The following LAMA1 variants were observed in gnomAD, a reference collection of about 807,000 sequenced individuals.
The protein encoded by LAMA1 is laminin subunit alpha 1, also known as laminin subunit alpha-1.
In LAMA1, 219 loss-of-function variants were observed where a neutral mutation model predicts 348.7. The ratio of observed to expected loss-of-function variants is 0.63; its 90% confidence interval spans 0.56 to 0.70. LAMA1 has a LOEUF of 0.70. Among genes scored for constraint, LAMA1 ranks in the 30% least tolerant of loss-of-function variants. LAMA1 has a pLI of 0.00. For missense variants in LAMA1, 3,744 were observed against 3,888.0 expected (o/e 0.96, Z 0.99); for synonymous variants, 1,487 against 1,491.0 (o/e 1.00, Z 0.06).
chr18:7,060,930 C>T (rs2058099796), intron 3 of LAMA1, among the ~76,000 whole-genome samples: 1 of 152,084 alleles, frequency 6.6e-6, no homozygotes, highest in African/African-American at 2.4e-5. Flanking sequence ...CCAAGGTGGG[C>T]AGACTGCTTG....
Position 6,976,032 on chromosome 18 carries a change from G to A in LAMA1, c.6394C>T (p.Pro2132Ser). ...TTGTAGTTGGTAGAGGAAATCTGAG[G>A]CTGGTAGGCCCGGATGCAATCTCTG... ...ADRDCIRAYQ[P>S]QISSTNYNTL... is the part of the protein sequence containing the mutation. Residue 2132 changes from proline to serine, a missense_variant, in exon 45 of 63, where the codon CCT becomes TCT. Pro to Ser is a moderately conservative substitution (Grantham distance 74). Transcript: ENST00000389658. The A allele has an allele frequency of 6.2e-7, 1 of 1,614,170 alleles. No homozygotes were observed. The highest frequency in any genetic ancestry group is 2.2e-5 in the East Asian group (1 of 44,882).
At chr18:6,991,420 T>C (rs915431880) in intron 36 of LAMA1, among the ~76,000 whole-genome samples, 2 of 150,014 alleles carry the variant, frequency 1.3e-5, no homozygotes, top group African/African-American at 4.9e-5. Flanking sequence ...AGACGGAGTC[T>C]TGCTCTGTCG....
rs1206772547 is a variant in LAMA1 at position 6,990,032 on chromosome 18, T to TTTTTG, written c.5168+2524_5168+2528dup. ...AAGAAGCTAATGAAGAGTGCTGGGT[T>TTTTTG]TTTTGTTTTGTTTTGTTTTTGGTGG... is the stretch of plus-strand genomic sequence containing the variant. On this transcript the variant is annotated intron_variant, in intron 36 of 62. Transcript: ENST00000389658. 4.6e-5 allele frequency among the ~76,000 whole-genome samples: 7 copies of TTTTTG among 152,184 alleles called. No homozygotes were observed. In the South Asian group the frequency reaches 8.3e-4, roughly 18 times the overall value.
At chr18:7,105,701 CT>C (rs1463382831) in intron 1 of LAMA1, among the ~76,000 whole-genome samples, 2 of 152,236 alleles carry the variant, frequency 1.3e-5, no homozygotes, top group South Asian at 4.1e-4. Context: ...ATGGAGGACA[CT>C]TTTTAAATTT....
At position 6,966,949 on chromosome 18, in the gene LAMA1, G is replaced by A. The variant is rs1049085626; in HGVS notation, c.6900-652C>T. Among the ~76,000 whole-genome samples, 4 of 152,136 alleles carry A rather than the reference G, an allele frequency of 2.6e-5. 1 individual carries two copies. Among genetic ancestry groups the A allele is most frequent in the Admixed American group, 1.3e-4 (2 of 15,264 alleles). ...GGCTGACTTGACTCACTATTCAATC[G>A]CAAAGCCATTCATCTGGAACAGATC... On this transcript the variant is annotated intron_variant, in intron 48 of 62. Transcript: ENST00000389658.
intron 3 of LAMA1, among the ~76,000 whole-genome samples, chr18:7,064,456 T>C (rs941405457): frequency 3.3e-5 from 5 of 152,174 alleles, no homozygotes; most frequent in African/African-American, 1.2e-4. Context: ...TGAAATCTTA[T>C]CTTTCTCATG....
chr18:7,114,058 C>A (rs1208451731), intron 1 of LAMA1, among the ~76,000 whole-genome samples: 6 of 130,338 alleles, frequency 4.6e-5, no homozygotes, highest in Non-Finnish European at 7.7e-5. Flanking sequence ...GCCTGGGCGA[C>A]AGAGCGAGAC....
At chr18:7,057,473 T>C (rs1012906736) in intron 3 of LAMA1, among the ~76,000 whole-genome samples, 1 of 78,680 alleles carries the variant, frequency 1.3e-5, no homozygotes, top group Non-Finnish European at 2.2e-5. Flanking sequence ...TTTCTTTTCT[T>C]TTTTTTTTTT....
At chr18:7,044,450 A>G (rs2058033732) in intron 7 of LAMA1, among the ~76,000 whole-genome samples, 1 of 152,180 alleles carries the variant, frequency 6.6e-6, no homozygotes, top group Non-Finnish European at 1.5e-5. Context: ...ACAACCTGGC[A>G]TATCCCATGG....
Position 6,978,239 on chromosome 18 carries a change from T to C in LAMA1, c.6147A>G (p.Thr2049=), listed in dbSNP as rs1429432719. 11 of 1,614,254 alleles carry C rather than the reference T, an allele frequency of 6.8e-6. No individual in the cohort carries two copies. Among genetic ancestry groups the C allele is most frequent in the South Asian group, 3.3e-5 (3 of 91,084 alleles). The change falls in exon 43 of 63, where the codon ACA becomes ACG. Residue 2049 remains threonine (T), a synonymous_variant. Coordinates refer to ENST00000389658, the MANE Select transcript of LAMA1 (RefSeq NM_005559.4). The part of the protein sequence containing the change: ...TSASLSRVNT[T]LRETHQLLQD... ...GCAGAAGCTGGTGTGTCTCTCGTAA[T>C]GTGGTGTTGACCCTGGACAGGCTGG...
At chr18:7,011,162 C>A (rs1568029773) in intron 25 of LAMA1, 138 bp downstream of exon 25, 1 of 961,230 alleles carries the variant, frequency 1.0e-6, no homozygotes. Flanking sequence ...GAGCATTAAA[C>A]TTCTCTGATC....
rs1350376871 is a variant in LAMA1, at chr18:6,992,724, T to C, written c.5009-4A>G. 6 of 1,611,258 alleles carry C rather than the reference T, an allele frequency of 3.7e-6. No individual in the cohort carries two copies. The highest frequency in any genetic ancestry group is 2.2e-5 in the South Asian group (2 of 91,036). On this transcript the variant is annotated splice_polypyrimidine_tract_variant and splice_region_variant and intron_variant, in intron 35 of 62. Transcript: ENST00000389658. Reference sequence around the variant, plus strand: ...AAAGTTGTCTTTTCCATAATTTCTATGGAGAAAATTCATCAATTATTTAAT... The same window carrying C: ...AAAGTTGTCTTTTCCATAATTTCTACGGAGAAAATTCATCAATTATTTAAT...
At chr18:6,958,768 C>A (rs1312366582) in intron 54 of LAMA1, 106 bp from the exon 55 acceptor site, 1 of 958,508 alleles carries the variant, frequency 1.0e-6, no homozygotes, top group Admixed American at 2.1e-5. Flanking sequence ...AATAAAAGTT[C>A]CCTAAAGGTT....
intron 3 of LAMA1, among the ~76,000 whole-genome samples, chr18:7,058,030 C>T (rs1215393922): frequency 6.6e-6 from 1 of 151,704 alleles, no homozygotes; most frequent in Non-Finnish European, 1.5e-5. Context: ...TCTTGAACTC[C>T]TGACCTTGTG....
chr18:7,059,546 T>G (rs1234650987), intron 3 of LAMA1, among the ~76,000 whole-genome samples: 1 of 152,188 alleles, frequency 6.6e-6, no homozygotes, highest in Non-Finnish European at 1.5e-5. Context: ...AACTTAAATA[T>G]ATTAAATCCA....
chr18:6,950,782 C>G lies in LAMA1; in HGVS notation c.8397G>C (p.Thr2799=). Reference sequence around the variant, plus strand: ...CACCACAAGCCTCCTGAGATCGTACCGTGTGCCACTTGCCATCACTGAGCA... The same window carrying G: ...CACCACAAGCCTCCTGAGATCGTACGGTGTGCCACTTGCCATCACTGAGCA... ...PALLSDGKWH[T]VKTDYVKRKG... The change falls in exon 58 of 63, where the codon ACG becomes ACC. Residue 2799 remains threonine, a splice_region_variant and synonymous_variant. Coordinates refer to ENST00000389658, the MANE Select transcript of LAMA1 (RefSeq NM_005559.4). 3.1e-6 allele frequency: 5 copies of G among 1,613,904 alleles called. No homozygotes were observed. Among genetic ancestry groups the G allele is most frequent in the Non-Finnish European group, 4.2e-6 (5 of 1,179,920 alleles).
intron 57 of LAMA1, among the ~76,000 whole-genome samples, chr18:6,952,845 T>C (rs1228114144): frequency 1.3e-5 from 2 of 148,460 alleles, no homozygotes; most frequent in Non-Finnish European, 3.0e-5. Flanking sequence ...ATAGGAGCCA[T>C]GTCTGCCTGT....
intron 9 of LAMA1, among the ~76,000 whole-genome samples, chr18:7,040,807 G>A (rs2058017166): frequency 6.6e-6 from 1 of 152,056 alleles, no homozygotes; most frequent in Non-Finnish European, 1.5e-5. Flanking sequence ...AATATTATTT[G>A]GTAATAAAAA....
intron 3 of LAMA1, among the ~76,000 whole-genome samples, chr18:7,076,411 A>C (rs1266213977): frequency 6.6e-6 from 1 of 152,100 alleles, no homozygotes; most frequent in Non-Finnish European, 1.5e-5. Context: ...AAAAACACTT[A>C]ACTGGAATCT....
Sources: allele counts gnomAD v4.1 joint callset (sites outside exome capture counted in the v4.1 genomes callset), GRCh38; gene constraint gnomAD v4.1.1; transcripts MANE v1.5; gene names NCBI Gene and HGNC (gene_info 2026-07-23, HGNC 2026-07-21).